The following SESN3 variants were observed in gnomAD, a reference collection of about 807,000 sequenced individuals.
The protein encoded by SESN3 is sestrin-3.
SESN3 carries 21 observed loss-of-function variants against 55.3 expected under a neutral mutation model. That is an observed-to-expected ratio of 0.38 (90% confidence interval 0.27 to 0.55). The LOEUF (loss-of-function observed/expected upper bound fraction) is 0.55, where lower values mean the gene tolerates loss of function less well. SESN3 is among the 20% of genes least tolerant of loss of function. The pLI is 0.76. For synonymous variants in SESN3, 181 were observed against 203.1 expected (o/e 0.89, Z 0.93); for missense variants, 408 against 604.3 (o/e 0.68, Z 3.41).
At chr11:95,217,315 C>G (rs1034620102) in intron 1 of SESN3, among the ~76,000 whole-genome samples, 2 of 152,040 alleles carry the variant, frequency 1.3e-5, no homozygotes, top group South Asian at 2.1e-4. Flanking sequence ...AAGAGTTAGT[C>G]AGGGGACTCC....
chr11:95,209,973 C>T (rs1437385546), intron 1 of SESN3, among the ~76,000 whole-genome samples: 5 of 136,152 alleles, frequency 3.7e-5, no homozygotes, highest in South Asian at 5.1e-4. Context: ...GCCAAGAACA[C>T]GCCATTGCAC....
intron 3 of SESN3, among the ~76,000 whole-genome samples, chr11:95,191,051 T>C (rs1860258347): frequency 6.6e-6 from 1 of 151,986 alleles, no homozygotes; most frequent in African/African-American, 2.4e-5. Context: ...ATAAAATTAC[T>C]AAGAAAAATG....
At chr11:95,213,106 CTT>C (rs1353000122) in intron 1 of SESN3, among the ~76,000 whole-genome samples, 1 of 151,740 alleles carries the variant, frequency 6.6e-6, no homozygotes, top group Admixed American at 6.6e-5. Context: ...CCTTATTTAT[CTT>C]TTTTTAAATG....
chr11:95,177,014 C>T (rs985693921), intron 8 of SESN3, among the ~76,000 whole-genome samples: 2 of 152,084 alleles, frequency 1.3e-5, no homozygotes, highest in African/African-American at 4.8e-5. Flanking sequence ...TTCTAATTAT[C>T]ATAAAGTCTG....
chr11:95,188,192 T>C (rs1199704579), intron 4 of SESN3, among the ~76,000 whole-genome samples: 1 of 151,766 alleles, frequency 6.6e-6, no homozygotes, highest in African/African-American at 2.4e-5. Context: ...GCTCTTGTGA[T>C]CAAATGTACT....
At chr11:95,185,101 A>G (rs1449593808) in intron 5 of SESN3, among the ~76,000 whole-genome samples, 155 bp downstream of exon 5, 1 of 152,082 alleles carries the variant, frequency 6.6e-6, no homozygotes, top group African/African-American at 2.4e-5. Flanking sequence ...ATAAATCAGA[A>G]CTTCAGGTAC....
chr11:95,195,029 A>G (rs977616423), intron 1 of SESN3, among the ~76,000 whole-genome samples: 1 of 152,158 alleles, frequency 6.6e-6, no homozygotes, highest in Non-Finnish European at 1.5e-5. Flanking sequence ...ACTGATTATG[A>G]GGAAAAATTA....
intron 2 of SESN3, among the ~76,000 whole-genome samples, chr11:95,192,654 A>G (rs190245285): frequency 2.4e-4 from 36 of 152,228 alleles, no homozygotes; most frequent in Non-Finnish European, 3.8e-4. Context: ...ATACAAAGGC[A>G]CTACTAACTT....
intron 5 of SESN3, 60 bp from the exon 6 acceptor site, chr11:95,184,654 C>G: frequency 6.8e-7 from 1 of 1,469,528 alleles, no homozygotes; most frequent in Non-Finnish European, 9.4e-7. Flanking sequence ...CAGTAAATAT[C>G]TCCATCTCCA....
intron 1 of SESN3, among the ~76,000 whole-genome samples, chr11:95,198,637 T>G (rs1860406908): frequency 6.6e-6 from 1 of 152,196 alleles, no homozygotes; most frequent in African/African-American, 2.4e-5. Flanking sequence ...AAACAAGTCC[T>G]TGAGTTTCTT....
chr11:95,226,193 A>C (rs1860945556), intron 1 of SESN3, among the ~76,000 whole-genome samples: 1 of 152,226 alleles, frequency 6.6e-6, no homozygotes, highest in Non-Finnish European at 1.5e-5. Context: ...TAGTCTGGGA[A>C]AATGGAAAAA....
In SESN3 at chr11:95,177,761, C is replaced by T. The variant is rs749067368; in HGVS notation, c.1205G>A (p.Arg402His). ...GTGAACATAGTTAAATAAAGCTCTG[C>T]GCAGCATGGTTGTGTCAACATCCTC... ...THEDVDTTMLRRALFNYVHCM... is the reference protein window; with the variant it reads ...THEDVDTTMLHRALFNYVHCM... Residue 402 changes from arginine to histidine, a missense_variant, in exon 8 of 10, where the codon CGC (arginine) becomes CAC (histidine). Arg to His is a conservative substitution (Grantham distance 29). This residue lies in a region of SESN3 where 121 missense variants were observed against 204.9 expected (regional missense o/e 0.59). Coordinates refer to ENST00000536441, the MANE Select transcript of SESN3 (RefSeq NM_144665.4). 1.6e-5 allele frequency: 25 copies of T among 1,612,524 alleles called. No individual in the cohort carries two copies. Among genetic ancestry groups the T allele is most frequent in the East Asian group, 6.7e-5 (3 of 44,776 alleles).
At chr11:95,187,585 T>C (rs1346173121) in intron 4 of SESN3, among the ~76,000 whole-genome samples, 1 of 151,898 alleles carries the variant, frequency 6.6e-6, no homozygotes, top group Non-Finnish European at 1.5e-5. Flanking sequence ...CTGACATTAA[T>C]CTCTCTTGAC....
In SESN3 at chr11:95,165,857, G is replaced by A. The variant is rs561928326; in HGVS notation, c.*7398C>T. The A allele has an allele frequency of 5.9e-5, 9 of 152,206 alleles. No individual in the cohort carries two copies. The highest frequency in any genetic ancestry group is 2.2e-4 in the African/African-American group (9 of 41,528). The allele number at this position is 152,206 out of a possible 1,614,324, so 9.4% of individuals were successfully genotyped here. A position where few individuals can be genotyped will look rare whatever the true frequency, so the allele number is the denominator to read the frequency against. ...ATTACACATAAACTGATCCATTTAGGTCAGCTTTAGTCAGAACTGTAAAAT... is the reference window on the plus strand; with the variant it reads ...ATTACACATAAACTGATCCATTTAGATCAGCTTTAGTCAGAACTGTAAAAT... On this transcript the variant is annotated 3_prime_UTR_variant, in exon 10 of 10. Coordinates refer to ENST00000536441, the MANE Select transcript of SESN3 (RefSeq NM_144665.4).
At chr11:95,187,248 G>A (rs1017738228) in intron 4 of SESN3, among the ~76,000 whole-genome samples, 5 of 151,912 alleles carry the variant, frequency 3.3e-5, no homozygotes, top group African/African-American at 1.2e-4. Flanking sequence ...TTAGAACAAA[G>A]TGTATTAATA....
In SESN3 at chr11:95,173,310, C is replaced by A; in HGVS notation, c.1424G>T (p.Arg475Leu). Residue 475 changes from arginine to leucine, a missense_variant, in exon 10 of 10, where the codon CGA (arginine) becomes CTA (leucine). Physicochemically the swap from Arg to Leu is moderately radical, Grantham distance 102. Around this residue, in one of 4 missense-constraint regions of SESN3, gnomAD observed 121 missense variants for 204.9 expected, o/e 0.59. Transcript: ENST00000536441. Reference protein sequence around the residue: ...VHVNLLLMEARMQAELLYALR... With the variant: ...VHVNLLLMEALMQAELLYALR... The stretch of plus-strand genomic sequence containing the variant: ...AGCATAAAGAAGTTCAGCTTGCATT[C>A]GTGCTTCCATTAAAAGTAGATTGAC... 6.3e-7 allele frequency: 1 copy of A among 1,596,602 alleles called. No individual in the cohort carries two copies. Among genetic ancestry groups the A allele is most frequent in the South Asian group, 1.1e-5 (1 of 89,940 alleles).
intron 3 of SESN3, among the ~76,000 whole-genome samples, chr11:95,190,697 T>C (rs1476634895): frequency 6.6e-6 from 1 of 151,950 alleles, no homozygotes; most frequent in East Asian, 1.9e-4. Flanking sequence ...AGTGAGACTA[T>C]AAAAAAGACA....
chr11:95,180,048 G>A (rs937455337), intron 6 of SESN3, among the ~76,000 whole-genome samples: 7 of 152,064 alleles, frequency 4.6e-5, no homozygotes, highest in Non-Finnish European at 7.4e-5. Context: ...AAAAGGGAAT[G>A]AACAAGCTTC....
At chr11:95,181,285 A>G (rs1201203262) in intron 6 of SESN3, among the ~76,000 whole-genome samples, 2 of 152,086 alleles carry the variant, frequency 1.3e-5, no homozygotes, top group Non-Finnish European at 2.9e-5. Context: ...GCCAAATAAG[A>G]GAAGTGATCC....
Sources: gnomAD v4.1 joint callset for allele counts (sites outside exome capture counted in the v4.1 genomes callset) on GRCh38, gnomAD v4.1.1 for gene constraint, gnomAD v4.1.1 regional missense constraint, MANE v1.5 for transcripts, NCBI Gene and HGNC (gene_info 2026-07-23, HGNC 2026-07-21) for gene names.